The following DOCK2 variants were observed in gnomAD, a reference collection of about 807,000 sequenced individuals.
DOCK2 encodes dedicator of cytokinesis 2.
DOCK2 carries 87 observed loss-of-function variants against 248.9 expected under a neutral mutation model. The ratio of observed to expected loss-of-function variants is 0.35; its 90% CI spans 0.29 to 0.42. The LOEUF (loss-of-function observed/expected upper bound fraction) is 0.42. Among genes scored for constraint, DOCK2 ranks in the 10% least tolerant of loss-of-function variants. The pLI is 1.00. For synonymous variants in DOCK2, 805 were observed against 821.6 expected (o/e 0.98, Z 0.35); for missense variants, 1,747 against 2,300.2 (o/e 0.76, Z 4.92).
chr5:169,830,992 A>G (rs916659305), intron 26 of DOCK2, among the ~76,000 whole-genome samples: 2 of 152,194 alleles, frequency 1.3e-5, no homozygotes, highest in African/African-American at 4.8e-5. Flanking sequence ...CCCTGTGGAC[A>G]TGATTCTTTA....
intron 14 of DOCK2, 96 bp from the exon 15 acceptor site, chr5:169,708,073 C>A: frequency 1.5e-6 from 2 of 1,298,220 alleles, no homozygotes; most frequent in East Asian, 5.0e-5. Flanking sequence ...TTGGCCCAGG[C>A]CCTAAGGCTG....
At chr5:169,846,945 T>C (rs1350225188) in intron 27 of DOCK2, among the ~76,000 whole-genome samples, 4 of 152,052 alleles carry the variant, frequency 2.6e-5, no homozygotes, top group Non-Finnish European at 5.9e-5. Flanking sequence ...AGTAAGAACA[T>C]GCTGTTTTTG....
At chr5:169,997,890 G>C (rs1754702012) in intron 30 of DOCK2, 2 of 455,768 alleles carry the variant, frequency 4.4e-6, no homozygotes, top group African/African-American at 4.0e-5. Context: ...CAGAAGCTGA[G>C]CAACTTCAGG....
chr5:170,079,069 A>C lies in DOCK2; in HGVS notation c.5089A>C (p.Arg1697=), dbSNP rs201624889. The stretch of plus-strand genomic sequence containing the variant: ...CACCCTGCCTGAGGTCAAGCTGCGG[A>C]GGTCCAAGAAGAGGACAAAGAGAAG... ...GSTLPEVKLR[R]SKKRTKRSSV... Residue 1697 remains arginine (R), a synonymous_variant, in exon 49 of 52, where the codon AGG becomes CGG. Coordinates refer to ENST00000520908, the MANE Select transcript of DOCK2 (RefSeq NM_004946.3). The C allele has an allele frequency of 1.4e-4, 230 of 1,614,152 alleles. No individual in the cohort carries two copies. The highest frequency in any genetic ancestry group is 9.3e-6 in the Non-Finnish European group (11 of 1,180,032).
chr5:170,082,475 T>C (rs1758068158), intron 51 of DOCK2, among the ~76,000 whole-genome samples: 1 of 152,210 alleles, frequency 6.6e-6, no homozygotes, highest in Non-Finnish European at 1.5e-5. Flanking sequence ...AAGTTTACCA[T>C]GAGCACACGA....
At chr5:170,046,849 A>G (rs574442674) in intron 39 of DOCK2, among the ~76,000 whole-genome samples, 1 of 152,286 alleles carries the variant, frequency 6.6e-6, no homozygotes, top group South Asian at 2.1e-4. Context: ...TCCACATCAC[A>G]CAGGCCCCCG....
intron 26 of DOCK2, among the ~76,000 whole-genome samples, chr5:169,816,369 G>A (rs1768069168): frequency 6.6e-6 from 1 of 152,178 alleles, no homozygotes; most frequent in South Asian, 2.1e-4. Flanking sequence ...GATCAGTTTT[G>A]TCTTAGAGAT....
At chr5:169,780,323 GTGTGTGTGT>G (rs1208133358) in intron 25 of DOCK2, among the ~76,000 whole-genome samples, 162 of 148,092 alleles carry the variant, frequency 1.1e-3, no homozygotes, top group Middle Eastern at 3.5e-3. Context: ...GTGTGTGTGT[GTGTGTGTGT>G]GTGTGTGTTG....
intron 27 of DOCK2, among the ~76,000 whole-genome samples, chr5:169,889,501 G>A (rs892264680): frequency 6.6e-6 from 1 of 152,196 alleles, no homozygotes; most frequent in African/African-American, 2.4e-5. Context: ...ACAAAACGTT[G>A]TACAGGGTAG....
rs574979954 is a variant in DOCK2 at position 169,933,730 on chromosome 5, A to G, written c.2800-49338A>G. Among the ~76,000 whole-genome samples the G allele has an allele frequency of 7.9e-5, 12 of 152,172 alleles. No homozygotes were observed. The Middle Eastern group carries it at 0.01, about 129-fold the overall frequency. On this transcript the variant is annotated intron_variant, in intron 27 of 51. Transcript: ENST00000520908. ...CCTTCAAGCAGTTTTGGGGTCAGAC[A>G]CCCACTTCTCAGACTTCCAGGCAGC...
chr5:170,037,014 AG>A (rs1756345876), intron 36 of DOCK2, among the ~76,000 whole-genome samples: 1 of 152,220 alleles, frequency 6.6e-6, no homozygotes, highest in Non-Finnish European at 1.5e-5. Context: ...TATATCATGA[AG>A]GTTTTTTGGG....
chr5:170,070,155 G>A (rs1757633672), intron 46 of DOCK2, among the ~76,000 whole-genome samples: 1 of 152,262 alleles, frequency 6.6e-6, no homozygotes, highest in African/African-American at 2.4e-5. Flanking sequence ...GAACACAGGG[G>A]TGGGCTCCGG....
At chr5:169,827,803 T>C (rs1215693021) in intron 26 of DOCK2, among the ~76,000 whole-genome samples, 1 of 152,120 alleles carries the variant, frequency 6.6e-6, no homozygotes, top group Admixed American at 6.5e-5. Flanking sequence ...GGGATGATGG[T>C]GTTAGAAATG....
intron 2 of DOCK2, among the ~76,000 whole-genome samples, chr5:169,657,337 A>G (rs1279095097): frequency 6.6e-6 from 1 of 152,236 alleles, no homozygotes; most frequent in Non-Finnish European, 1.5e-5. Flanking sequence ...TGTGAAAACC[A>G]CAATGTTAGT....
intron 22 of DOCK2, among the ~76,000 whole-genome samples, chr5:169,739,140 T>G (rs1050850592): frequency 6.6e-6 from 1 of 152,246 alleles, no homozygotes; most frequent in African/African-American, 2.4e-5. Flanking sequence ...TGGGGTTAAT[T>G]ATCCTTTTCA....
intron 15 of DOCK2, among the ~76,000 whole-genome samples, chr5:169,708,831 C>T (rs1056621053): frequency 6.6e-6 from 1 of 152,172 alleles, no homozygotes; most frequent in African/African-American, 2.4e-5. Context: ...TCCCAAAGTA[C>T]TGGGATTATG....
chr5:170,051,377 T>A (rs1198427784), intron 41 of DOCK2, among the ~76,000 whole-genome samples: 1 of 152,178 alleles, frequency 6.6e-6, no homozygotes, highest in Non-Finnish European at 1.5e-5. Flanking sequence ...TTGTTTCTGT[T>A]CCTGTGATAT....
chr5:169,648,362 C>T (rs545138125), intron 1 of DOCK2, among the ~76,000 whole-genome samples: 114 of 152,296 alleles, frequency 7.5e-4, no homozygotes, highest in Non-Finnish European at 1.3e-3. Context: ...GGCAAATTCG[C>T]TCCCAGTTGA....
At chr5:169,774,893 T>TGTTG (rs1554099425) in intron 25 of DOCK2, among the ~76,000 whole-genome samples, 2 of 150,862 alleles carry the variant, frequency 1.3e-5, no homozygotes, top group African/African-American at 2.4e-5. Context: ...ATGACTGTTT[T>TGTTG]TTGTTGTTGT....
Sources: gnomAD v4.1 joint callset for allele counts (sites outside exome capture counted in the v4.1 genomes callset) on GRCh38, gnomAD v4.1.1 for gene constraint, MANE v1.5 for transcripts, NCBI Gene and HGNC (gene_info 2026-07-23, HGNC 2026-07-21) for gene names.